The following UPP2 variants were observed in gnomAD, a reference collection of about 807,000 sequenced individuals.
UPP2 encodes the protein UPase 2.
In UPP2, 23 loss-of-function variants were observed where a neutral mutation model predicts 26.7. That is an observed-to-expected ratio of 0.86 (90% CI 0.62 to 1.22). The LOEUF is 1.22. Ranked by LOEUF, UPP2 falls within the 50% of genes most tolerant of loss-of-function variation. The probability of loss-of-function intolerance (pLI) is 0.00; values close to 1 mark genes in which losing one functional copy is unlikely to be tolerated. For synonymous variants in UPP2, 127 were observed against 141.3 expected (o/e 0.90, Z 0.72); for missense variants, 387 against 396.7 (o/e 0.98, Z 0.21).
intron 2 of UPP2, among the ~76,000 whole-genome samples, chr2:158,106,587 A>T (rs1300957716): frequency 6.6e-6 from 1 of 152,216 alleles, no homozygotes; most frequent in Non-Finnish European, 1.5e-5. Context: ...TTATTAACTC[A>T]TAAAAATAAC....
intron 3 of UPP2, among the ~76,000 whole-genome samples, chr2:158,092,389 A>T (rs1403969037): frequency 6.6e-6 from 1 of 152,234 alleles, no homozygotes; most frequent in East Asian, 1.9e-4. Context: ...CAAGCAGATG[A>T]AAACAAACTT....
chr2:158,006,990 T>G (rs1289006620), intron 2 of UPP2, among the ~76,000 whole-genome samples: 3 of 152,202 alleles, frequency 2.0e-5, no homozygotes, highest in Non-Finnish European at 2.9e-5. Flanking sequence ...CACACCATCC[T>G]AGTTCCCTTT....
intron 5 of UPP2, 115 bp downstream of exon 5, chr2:158,121,733 A>T: frequency 1.0e-6 from 1 of 985,314 alleles, no homozygotes; most frequent in South Asian, 1.7e-5. Flanking sequence ...TTTGTGGGTT[A>T]AAAAGGAAAT....
Position 158,117,820 on chromosome 2 carries a change from A to G in UPP2, c.340-4A>G. The G allele has an allele frequency of 4.4e-6, 7 of 1,603,170 alleles. No individual in the cohort carries two copies. The highest frequency in any genetic ancestry group is 6.0e-6 in the Non-Finnish European group (7 of 1,170,018). On this transcript the variant is annotated splice_region_variant and splice_polypyrimidine_tract_variant and intron_variant, in intron 3 of 6. Coordinates refer to ENST00000005756, the MANE Select transcript of UPP2 (RefSeq NM_173355.4). ...GTATGATGACTTTCTCTTTCTCTCA[A>G]TAGCACGGCATGGGCATCCCCTCCA...
chr2:158,066,091 G>T, intron 3 of UPP2: 1 of 247,848 alleles, frequency 4.0e-6, no homozygotes, highest in Non-Finnish European at 7.9e-6. Context: ...TGATGCTATT[G>T]CCTTGGAAGT....
upstream of UPP2, among the ~76,000 whole-genome samples, chr2:158,100,011 C>CT (rs1205822904): frequency 6.6e-6 from 1 of 152,150 alleles, no homozygotes; most frequent in Non-Finnish European, 1.5e-5. Context: ...AAAACGAAAC[C>CT]TTTTCCCCTG....
intron 3 of UPP2, among the ~76,000 whole-genome samples, chr2:158,042,678 A>T (rs1305008454): frequency 6.6e-6 from 1 of 151,998 alleles, no homozygotes; most frequent in Admixed American, 6.5e-5. Context: ...TATTGGGGAG[A>T]CTTTTTTGGG....
intron 6 of UPP2, among the ~76,000 whole-genome samples, chr2:158,130,165 C>T (rs1683782848): frequency 2.0e-5 from 3 of 151,948 alleles, no homozygotes; most frequent in African/African-American, 4.8e-5. Flanking sequence ...CTCTGAGTTT[C>T]CTGGAAGCCA....
intron 5 of UPP2, among the ~76,000 whole-genome samples, chr2:158,122,807 G>A (rs900124618): frequency 3.3e-5 from 5 of 152,208 alleles, no homozygotes; most frequent in Non-Finnish European, 7.3e-5. Context: ...CCTCAGACCA[G>A]ACACTCGCAT....
chr2:158,027,602 C>G (rs1683853944), intron 3 of UPP2, among the ~76,000 whole-genome samples: 3 of 152,106 alleles, frequency 2.0e-5, no homozygotes. Flanking sequence ...ATCTACCATT[C>G]TGGAGTCTGG....
intron 3 of UPP2, chr2:158,065,758 A>G: frequency 1.5e-6 from 1 of 687,236 alleles, no homozygotes; most frequent in Non-Finnish European, 2.7e-6. Flanking sequence ...AGGCCTTTTG[A>G]TGATGGTGCA....
At chr2:158,025,449 G>A (rs1683819418) in intron 3 of UPP2, among the ~76,000 whole-genome samples, 1 of 152,114 alleles carries the variant, frequency 6.6e-6, no homozygotes, top group African/African-American at 2.4e-5. Flanking sequence ...GCAGCTACAG[G>A]GGAGGGAAGC....
chr2:158,088,237 G>A (rs1390507368), intron 3 of UPP2, among the ~76,000 whole-genome samples: 1 of 151,992 alleles, frequency 6.6e-6, no homozygotes, highest in African/African-American at 2.4e-5. Flanking sequence ...CCTTGTCTTC[G>A]AGCTCTGAAG....
chr2:158,074,094 C>T (rs1014734314), intron 3 of UPP2, among the ~76,000 whole-genome samples: 2 of 152,300 alleles, frequency 1.3e-5, no homozygotes, highest in Admixed American at 1.3e-4. Flanking sequence ...GGGAAAATCA[C>T]TTGAGCTGGG....
At chr2:158,025,247 G>A (rs1030547694) in intron 3 of UPP2, among the ~76,000 whole-genome samples, 3 of 152,034 alleles carry the variant, frequency 2.0e-5, no homozygotes, top group Non-Finnish European at 4.4e-5. Context: ...AGGTCAGGGT[G>A]GAGGGAAGGG....
intron 6 of UPP2, among the ~76,000 whole-genome samples, chr2:158,127,307 A>T (rs1314740762): frequency 2.0e-5 from 3 of 152,200 alleles, no homozygotes; most frequent in Admixed American, 2.0e-4. Flanking sequence ...CTTATATATT[A>T]TTTCATGCAT....
chr2:158,121,544 T>C lies in UPP2; in HGVS notation c.590T>C (p.Phe197Ser). The C allele has an allele frequency of 6.2e-7, 1 of 1,613,546 alleles. No individual in the cohort carries two copies. The highest frequency in any genetic ancestry group is 8.5e-7 in the Non-Finnish European group (1 of 1,179,518). ...GACAAAGAACTGTCTGAAGAACTGTTCAACTGTAGCAAAGAAATCCCCAAC... is the reference window on the plus strand; with the variant it reads ...GACAAAGAACTGTCTGAAGAACTGTCCAACTGTAGCAAAGAAATCCCCAAC... ...ELDKELSEEL[F>S]NCSKEIPNFP... The change falls in exon 5 of 7, where the codon TTC becomes TCC. Residue 197 changes from phenylalanine to serine, a missense_variant. Physicochemically the swap from Phe to Ser is radical, Grantham distance 155 (BLOSUM62 -2). Transcript: ENST00000005756.
At chr2:158,109,471 T>A (rs968128342) in intron 2 of UPP2, among the ~76,000 whole-genome samples, 2 of 152,232 alleles carry the variant, frequency 1.3e-5, no homozygotes, top group Admixed American at 1.3e-4. Context: ...GCTCCTTCCA[T>A]AATTGTTACT....
intron 3 of UPP2, among the ~76,000 whole-genome samples, chr2:158,058,431 G>GTGTGTGTGTGTGTGTGTGTA (rs1682295926): frequency 6.7e-6 from 1 of 150,136 alleles, no homozygotes; most frequent in African/African-American, 2.5e-5. Context: ...GTGTGTGTGT[G>GTGTGTGTGTGTGTGTGTGTA]TGTGTGTGTG....
Sources: allele counts gnomAD v4.1 joint callset (sites outside exome capture counted in the v4.1 genomes callset), GRCh38; gene constraint gnomAD v4.1.1; transcripts MANE v1.5; gene names NCBI Gene and HGNC (gene_info 2026-07-23, HGNC 2026-07-21).